The following NRXN1 variants were observed in gnomAD, a reference collection of about 807,000 sequenced individuals.
The protein encoded by NRXN1 is neurexin 1.
NRXN1 carries 39 observed loss-of-function variants against 150.9 expected under a neutral mutation model. The ratio of observed to expected loss-of-function variants is 0.26; its 90% confidence interval spans 0.20 to 0.34. The LOEUF is 0.34. NRXN1 is among the 10% of genes least tolerant of loss of function. The pLI is 1.00. For missense variants in NRXN1, 1,815 were observed against 1,949.9 expected, an observed-to-expected ratio of 0.93 and a Z score of 1.30; for synonymous variants, 924 against 757.0, an observed-to-expected ratio of 1.22 and a Z score of -3.62.
chr2:50,594,978 A>G (rs528550191), intron 8 of NRXN1, among the ~76,000 whole-genome samples: 21 of 151,980 alleles, frequency 1.4e-4, no homozygotes, highest in Middle Eastern at 3.4e-3. Context: ...TCTAAAATGA[A>G]TAAGAGTTGA....
intron 19 of NRXN1, among the ~76,000 whole-genome samples, chr2:50,071,900 A>C (rs1310240520): frequency 1.3e-5 from 2 of 152,194 alleles, no homozygotes; most frequent in Non-Finnish European, 2.9e-5. Flanking sequence ...AATTTTAGTT[A>C]AAATGTATTT....
intron 5 of NRXN1, among the ~76,000 whole-genome samples, chr2:50,751,503 G>T (rs984520601): frequency 6.6e-6 from 1 of 151,910 alleles, no homozygotes; most frequent in Non-Finnish European, 1.5e-5. Flanking sequence ...TTATAAGCCT[G>T]CCAGAAAACA....
chr2:49,930,327 G>A (rs1669899207), intron 22 of NRXN1, among the ~76,000 whole-genome samples: 1 of 152,082 alleles, frequency 6.6e-6, no homozygotes, highest in African/African-American at 2.4e-5. Context: ...TGACAAAGGA[G>A]GGAAATATCT....
chr2:50,046,167 C>T (rs1205202757), intron 21 of NRXN1, among the ~76,000 whole-genome samples: 1 of 152,146 alleles, frequency 6.6e-6, no homozygotes, highest in Non-Finnish European at 1.5e-5. Context: ...CATAAAACAG[C>T]GCAAGTTATG....
intron 5 of NRXN1, among the ~76,000 whole-genome samples, chr2:50,633,959 A>G (rs1489911857): frequency 6.6e-6 from 1 of 152,136 alleles, no homozygotes; most frequent in Non-Finnish European, 1.5e-5. Flanking sequence ...TTAAATTGAG[A>G]TCTTAATGCT....
chr2:49,921,874 A>G lies in NRXN1; in HGVS notation c.*70T>C, dbSNP rs2103993046. On this transcript the variant is annotated 3_prime_UTR_variant, in exon 23 of 23. Coordinates refer to ENST00000401669, the MANE Select transcript of NRXN1 (RefSeq NM_001330078.2). ...ATGTGCTTCATAAAAAGGAAAGTAAATAAGTTTATATTATGTCTCAGATAA... is the reference window on the plus strand; with the variant it reads ...ATGTGCTTCATAAAAAGGAAAGTAAGTAAGTTTATATTATGTCTCAGATAA... 1 of 1,485,906 alleles carries G rather than the reference A, an allele frequency of 6.7e-7. No individual in the cohort carries two copies. The highest frequency in any genetic ancestry group is 9.3e-7 in the Non-Finnish European group (1 of 1,075,524). 92.0% of individuals were successfully genotyped at this position (1,485,906 alleles called of 1,614,324 possible).
intron 17 of NRXN1, among the ~76,000 whole-genome samples, chr2:50,297,184 C>T (rs556640173): frequency 2.1e-4 from 32 of 152,244 alleles, no homozygotes; most frequent in African/African-American, 6.3e-4. Context: ...CCACCGCACC[C>T]GGCTGGTTTG....
intron 8 of NRXN1, among the ~76,000 whole-genome samples, chr2:50,567,931 A>T (rs1573581298): frequency 6.6e-6 from 1 of 152,116 alleles, no homozygotes; most frequent in Admixed American, 6.6e-5. Context: ...AGAATTCCCA[A>T]TGTAATATTC....
At chr2:50,470,159 G>A (rs2089320300) in intron 16 of NRXN1, among the ~76,000 whole-genome samples, 1 of 151,540 alleles carries the variant, frequency 6.6e-6, no homozygotes, top group Non-Finnish European at 1.5e-5. Context: ...TGTTCCATAA[G>A]GGATTGTAAT....
chr2:50,256,115 C>A (rs893188054), intron 17 of NRXN1, among the ~76,000 whole-genome samples: 9 of 152,098 alleles, frequency 5.9e-5, no homozygotes, highest in African/African-American at 2.2e-4. Flanking sequence ...CATATTCTAG[C>A]AAATTAGTTT....
chr2:51,012,755 T>C (rs1429168737), intron 2 of NRXN1, among the ~76,000 whole-genome samples: 1 of 152,034 alleles, frequency 6.6e-6, no homozygotes, highest in African/African-American at 2.4e-5. Context: ...AAGATGAGGC[T>C]AGATTTCTGG....
chr2:50,325,419 C>T (rs1301772914), intron 17 of NRXN1, among the ~76,000 whole-genome samples: 5 of 152,208 alleles, frequency 3.3e-5, no homozygotes, highest in Admixed American at 2.6e-4. Context: ...GTTTTTCTAA[C>T]CTCCCTTAGG....
chr2:50,561,189 G>C (rs1573553742), intron 8 of NRXN1, among the ~76,000 whole-genome samples: 1 of 152,206 alleles, frequency 6.6e-6, no homozygotes, highest in Non-Finnish European at 1.5e-5. Flanking sequence ...GCAATCTGTA[G>C]AAGTTATTCA....
chr2:49,961,721 A>G (rs1675993261), intron 21 of NRXN1, among the ~76,000 whole-genome samples: 1 of 152,198 alleles, frequency 6.6e-6, no homozygotes, highest in Admixed American at 6.5e-5. Flanking sequence ...GAAAAGTCCA[A>G]CACTCTTTCC....
At chr2:50,687,547 C>G (rs1691422631) in intron 5 of NRXN1, among the ~76,000 whole-genome samples, 1 of 152,136 alleles carries the variant, frequency 6.6e-6, no homozygotes, top group Non-Finnish European at 1.5e-5. Flanking sequence ...TGTTTCTAAT[C>G]TGTCGTGGGC....
chr2:50,842,085 G>T (rs1393805956), intron 5 of NRXN1, among the ~76,000 whole-genome samples: 2 of 152,134 alleles, frequency 1.3e-5, no homozygotes, highest in Non-Finnish European at 2.9e-5. Context: ...AAGCCATGTG[G>T]GTCAAGTACC....
intron 12 of NRXN1, among the ~76,000 whole-genome samples, chr2:50,507,162 C>T (rs1376648993): frequency 6.6e-5 from 10 of 152,068 alleles, no homozygotes; most frequent in South Asian, 4.1e-4. Context: ...GCGGCTATTC[C>T]GCTCTTATAC....
At chr2:50,180,832 T>G (rs2060662988) in intron 18 of NRXN1, among the ~76,000 whole-genome samples, 1 of 152,152 alleles carries the variant, frequency 6.6e-6, no homozygotes, top group Admixed American at 6.6e-5. Flanking sequence ...TTAAAAGTCT[T>G]GCATGCACTG....
intron 22 of NRXN1, among the ~76,000 whole-genome samples, chr2:49,924,521 A>ATGAT (rs1213748802): frequency 6.6e-6 from 1 of 152,238 alleles, no homozygotes; most frequent in East Asian, 1.9e-4. Flanking sequence ...TGCACATAGC[A>ATGAT]TGATAACAGC....
Sources: allele counts gnomAD v4.1 joint callset (sites outside exome capture counted in the v4.1 genomes callset), GRCh38; gene constraint gnomAD v4.1.1; transcripts MANE v1.5; gene names NCBI Gene and HGNC (gene_info 2026-07-23, HGNC 2026-07-21).